The following ITPR2 variants were observed in gnomAD, a reference collection of about 807,000 sequenced individuals.
The protein encoded by ITPR2 is inositol 1,4,5-trisphosphate receptor type 2.
ITPR2 carries 207 observed loss-of-function variants against 317.1 expected under a neutral mutation model. The observed-to-expected ratio is 0.65, with a 90% confidence interval of 0.58 to 0.73. The LOEUF is 0.73. ITPR2 is among the 30% of genes least tolerant of loss of function. ITPR2 has a pLI of 0.00. For synonymous variants in ITPR2, 1,156 were observed against 1,149.1 expected, an observed-to-expected ratio of 1.01 and a Z score of -0.12; for missense variants, 2,613 against 3,284.0, an observed-to-expected ratio of 0.80 and a Z score of 4.99.
chr12:26,734,490 A>C (rs1444491401), intron 2 of ITPR2, among the ~76,000 whole-genome samples: 1 of 152,210 alleles, frequency 6.6e-6, no homozygotes, highest in East Asian at 1.9e-4. Context: ...TCACGGCTTC[A>C]AGCCCTCCAC....
chr12:26,669,731 G>A (rs1008217781), intron 13 of ITPR2, among the ~76,000 whole-genome samples: 13 of 152,258 alleles, frequency 8.5e-5, no homozygotes, highest in Non-Finnish European at 1.6e-4. Context: ...TGCGCGAGCC[G>A]AAGCAGTGCG....
At chr12:26,635,483 T>C (rs995920069) in intron 21 of ITPR2, among the ~76,000 whole-genome samples, 6 of 152,230 alleles carry the variant, frequency 3.9e-5, no homozygotes, top group African/African-American at 1.4e-4. Context: ...AACAGACACA[T>C]TTGATTCTAA....
intron 13 of ITPR2, among the ~76,000 whole-genome samples, chr12:26,676,136 C>A (rs1298806324): frequency 6.7e-6 from 1 of 148,598 alleles, no homozygotes; most frequent in African/African-American, 2.5e-5. Context: ...CCAGCCTGGG[C>A]GACAGAGCAA....
At chr12:26,441,996 C>T (rs760820681) in intron 46 of ITPR2, among the ~76,000 whole-genome samples, 13 of 152,012 alleles carry the variant, frequency 8.6e-5, no homozygotes, top group Non-Finnish European at 1.5e-4. Context: ...ATTTTCCAGT[C>T]CAGCCATCTT....
chr12:26,381,148 A>G (rs1387652798), intron 55 of ITPR2, among the ~76,000 whole-genome samples: 1 of 152,238 alleles, frequency 6.6e-6, no homozygotes, highest in East Asian at 1.9e-4. Context: ...TAATGTGCCT[A>G]CAGCCTCATC....
chr12:26,346,337 G>T (rs1379353082), intron 55 of ITPR2, among the ~76,000 whole-genome samples: 1 of 152,074 alleles, frequency 6.6e-6, no homozygotes, highest in Admixed American at 6.5e-5. Flanking sequence ...AGTCAGCTGC[G>T]CTGGGCCAGG....
intron 41 of ITPR2, among the ~76,000 whole-genome samples, chr12:26,484,237 C>T (rs1942611605): frequency 6.7e-6 from 1 of 149,508 alleles, no homozygotes; most frequent in African/African-American, 2.5e-5. Flanking sequence ...TCAAACTACA[C>T]AGAGAGGGAA....
intron 39 of ITPR2, among the ~76,000 whole-genome samples, chr12:26,490,188 A>T (rs891302695): frequency 1.3e-5 from 2 of 152,252 alleles, no homozygotes; most frequent in African/African-American, 4.8e-5. Context: ...AAGAAGTTGA[A>T]ATTCAATTGG....
chr12:26,800,433 A>T (rs1417033368), intron 1 of ITPR2, among the ~76,000 whole-genome samples: 1 of 152,224 alleles, frequency 6.6e-6, no homozygotes, highest in Non-Finnish European at 1.5e-5. Context: ...TGGAAGATAA[A>T]TTTTATAAAC....
chr12:26,411,250 GTAA>G (rs1029363838), intron 52 of ITPR2, 67 bp downstream of exon 52: 5 of 967,076 alleles, frequency 5.2e-6, no homozygotes, highest in Admixed American at 1.8e-5. Context: ...TCCCTAAGAG[GTAA>G]TAATATTTAC....
intron 37 of ITPR2, among the ~76,000 whole-genome samples, chr12:26,521,732 G>A (rs368841397): frequency 2.0e-5 from 3 of 152,194 alleles, no homozygotes; most frequent in Non-Finnish European, 2.9e-5. Flanking sequence ...TTTTAAAGAC[G>A]CAGATAGGAA....
intron 54 of ITPR2, among the ~76,000 whole-genome samples, chr12:26,397,091 A>G (rs535183643): frequency 6.6e-6 from 1 of 151,268 alleles, no homozygotes; most frequent in Admixed American, 6.6e-5. Flanking sequence ...GGTGCTCTAA[A>G]GCAAAAAAAA....
At chr12:26,469,435 C>A (rs1942248204) in intron 45 of ITPR2, among the ~76,000 whole-genome samples, 1 of 152,262 alleles carries the variant, frequency 6.6e-6, no homozygotes, top group Admixed American at 6.5e-5. Context: ...GCAAACCCCC[C>A]ACCCCCATGG....
intron 32 of ITPR2, among the ~76,000 whole-genome samples, chr12:26,586,388 T>G (rs1393534200): frequency 6.6e-6 from 1 of 152,218 alleles, no homozygotes; most frequent in African/African-American, 2.4e-5. Flanking sequence ...GTCCCTGAAC[T>G]GGGCCTCCCA....
intron 48 of ITPR2, among the ~76,000 whole-genome samples, chr12:26,433,862 T>G (rs1036637405): frequency 4.3e-4 from 66 of 152,300 alleles, no homozygotes; most frequent in African/African-American, 1.4e-3. Context: ...TACAGGAAAC[T>G]ATAGAGTCTG....
intron 37 of ITPR2, among the ~76,000 whole-genome samples, chr12:26,508,729 A>T (rs895471279): frequency 6.6e-6 from 1 of 152,194 alleles, no homozygotes; most frequent in African/African-American, 2.4e-5. Flanking sequence ...GGGGACACGG[A>T]AAAAGCTGAC....
At chr12:26,404,473 G>A (rs139291132) in intron 52 of ITPR2, among the ~76,000 whole-genome samples, 9 of 152,280 alleles carry the variant, frequency 5.9e-5, no homozygotes, top group African/African-American at 2.2e-4. Context: ...TAATTTTAAA[G>A]ATGTCAAAAT....
chr12:26,792,787 T>C (rs1950365642), intron 1 of ITPR2, among the ~76,000 whole-genome samples: 1 of 152,202 alleles, frequency 6.6e-6, no homozygotes, highest in Admixed American at 6.5e-5. Context: ...CTTCTGGGAC[T>C]ATATAGACTA....
At chr12:26,507,857 C>CTCTGTGTGTG (rs1326140162) in intron 37 of ITPR2, among the ~76,000 whole-genome samples, 124 of 88,326 alleles carry the variant, frequency 1.4e-3, no homozygotes, top group African/African-American at 3.9e-3. Flanking sequence ...TCTTCTCTCT[C>CTCTGTGTGTG]TGTCTCTGTG....
Sources: allele counts gnomAD v4.1 joint callset (sites outside exome capture counted in the v4.1 genomes callset), GRCh38; gene constraint gnomAD v4.1.1; transcripts MANE v1.5; gene names NCBI Gene and HGNC (gene_info 2026-07-23, HGNC 2026-07-21).